Variants in PXK observed in about 807,000 individuals in gnomAD.
PXK encodes PX domain-containing protein kinase-like protein.
A neutral mutation model predicts 84.7 loss-of-function variants in PXK; 35 were observed. The ratio of observed to expected loss-of-function variants is 0.41; its 90% CI spans 0.32 to 0.55. The LOEUF (loss-of-function observed/expected upper bound fraction) is 0.55. Ranked by LOEUF, PXK falls within the 20% of genes least tolerant of loss-of-function variation. The probability of loss-of-function intolerance (pLI) is 0.21; values close to 1 mark genes in which losing one functional copy is unlikely to be tolerated. For synonymous variants in PXK, 253 were observed against 260.8 expected, an observed-to-expected ratio of 0.97 and a Z score of 0.29; for missense variants, 634 against 699.7, an observed-to-expected ratio of 0.91 and a Z score of 1.06.
intron 1 of PXK, among the ~76,000 whole-genome samples, chr3:58,337,745 T>A (rs1473838833): frequency 2.0e-5 from 3 of 152,148 alleles, no homozygotes; most frequent in Non-Finnish European, 4.4e-5. Flanking sequence ...GCTGGGATTA[T>A]AGGTGTGAGC....
Position 58,332,924 on chromosome 3 carries a change from G to T in PXK, c.-65G>T. ...GCGGCGGCGGTGGAACCGGGCGGGC[G>T]GCGGGAGTCGGCGCCTCGGGTTCCT... On this transcript the variant is annotated 5_prime_UTR_variant, in exon 1 of 18. Transcript: ENST00000356151. This position sits in a 1 kb window ranked among gnomAD's most constrained non-coding sequence, Gnocchi z 5.6. The T allele has an allele frequency of 9.4e-7, 1 of 1,068,948 alleles. No individual in the cohort carries two copies. Among genetic ancestry groups the T allele is most frequent in the East Asian group, 4.3e-5 (1 of 23,234 alleles). 66.2% of individuals were successfully genotyped at this position (1,068,948 alleles called of 1,614,324 possible). A position where few individuals can be genotyped will look rare whatever the true frequency, so the allele number is the denominator to read the frequency against.
intron 1 of PXK, among the ~76,000 whole-genome samples, chr3:58,353,293 G>T (rs778338947): frequency 6.6e-6 from 1 of 152,050 alleles, no homozygotes; most frequent in Non-Finnish European, 1.5e-5. Context: ...CACTGTGCCC[G>T]GTCTCTATGA....
chr3:58,385,148 AG>A lies in PXK; in HGVS notation c.388+2449del, dbSNP rs940675451. ...TCCCCCTCCCCACCCCCAGGCCTCC[AG>A]CATGGTAGAGAGTCAGGAGTCCAAA... On this transcript the variant is annotated intron_variant, in intron 4 of 17. Transcript: ENST00000356151. This position sits in a 1 kb window ranked among gnomAD's most constrained non-coding sequence, Gnocchi z 5.1. Among the ~76,000 whole-genome samples the A allele has an allele frequency of 1.8e-4, 28 of 152,094 alleles. No homozygotes were observed. Among genetic ancestry groups the A allele is most frequent in the African/African-American group, 6.8e-4 (28 of 41,418 alleles).
At chr3:58,355,742 T>G (rs1276527942) in intron 1 of PXK, among the ~76,000 whole-genome samples, 1 of 152,158 alleles carries the variant, frequency 6.6e-6, no homozygotes, top group African/African-American at 2.4e-5. Flanking sequence ...CTCTGCACCC[T>G]CAGGTAAGAG....
intron 1 of PXK, among the ~76,000 whole-genome samples, chr3:58,353,580 T>G (rs540809353): frequency 2.0e-5 from 3 of 152,136 alleles, no homozygotes; most frequent in South Asian, 2.1e-4. Context: ...TAATTCTAAG[T>G]GAAATATTAA....
At chr3:58,356,167 C>G (rs79451248) in intron 1 of PXK, among the ~76,000 whole-genome samples, 2,145 of 152,258 alleles carry the variant, frequency 0.014, 62 homozygotes, top group African/African-American at 0.049. Context: ...CACCAGACCT[C>G]AGTGATTTGC....
At chr3:58,393,071 G>A (rs1253701005) in intron 7 of PXK, among the ~76,000 whole-genome samples, 6 of 152,238 alleles carry the variant, frequency 3.9e-5, no homozygotes, top group East Asian at 3.9e-4. Flanking sequence ...AAAATAAGCC[G>A]AGTGTGGTGG....
chr3:58,348,497 A>G (rs991485622), intron 1 of PXK, among the ~76,000 whole-genome samples: 2 of 152,214 alleles, frequency 1.3e-5, no homozygotes, highest in African/African-American at 4.8e-5. Flanking sequence ...CACATATGTA[A>G]CTTTACATTT....
At chr3:58,394,358 A>G (rs1318237786) in intron 7 of PXK, among the ~76,000 whole-genome samples, 1 of 152,182 alleles carries the variant, frequency 6.6e-6, no homozygotes, top group Non-Finnish European at 1.5e-5. Flanking sequence ...TCTCCACCCC[A>G]GTTGCTTAAT....
At chr3:58,417,911 G>A (rs1226769022) in intron 17 of PXK, among the ~76,000 whole-genome samples, 2 of 152,048 alleles carry the variant, frequency 1.3e-5, no homozygotes, top group East Asian at 1.9e-4. Flanking sequence ...GTGCAATCAC[G>A]GCTCACTGCA....
In PXK at chr3:58,370,564, G is replaced by A. The variant is rs1261760431; in HGVS notation, c.201+1086G>A. 6.6e-6 allele frequency among the ~76,000 whole-genome samples: 1 copy of A among 152,178 alleles called. No homozygotes were observed. Among genetic ancestry groups the A allele is most frequent in the Non-Finnish European group, 1.5e-5 (1 of 68,036 alleles). ...AGCCAGGAGGGAAAGGACTGCTCCC[G>A]TCATTGGTGAGCTAGCCGTTATCGC... On this transcript the variant is annotated intron_variant, in intron 3 of 17. Transcript: ENST00000356151. The surrounding 1 kb of genome is among the most constrained non-coding windows in gnomAD (Gnocchi z 4.2).
intron 7 of PXK, 104 bp downstream of exon 7, chr3:58,391,951 C>A: frequency 9.7e-7 from 1 of 1,029,032 alleles, no homozygotes; most frequent in Non-Finnish European, 1.5e-6. Flanking sequence ...TGGGGAGATA[C>A]AGTGGATTTC....
rs2058153055 is a variant in PXK, at chr3:58,399,014, A to G, written c.1103-285A>G. ...TTACATCTCTTTCAAGAGAACAAAC[A>G]CTTTTATGAATGATATCTTGAATCC... is the stretch of plus-strand genomic sequence containing the variant. On this transcript the variant is annotated intron_variant, in intron 11 of 17. Transcript: ENST00000356151. The surrounding 1 kb of genome is among the most constrained non-coding windows in gnomAD (Gnocchi z 4.3). 6.6e-6 allele frequency among the ~76,000 whole-genome samples: 1 copy of G among 152,220 alleles called. No homozygotes were observed. Among genetic ancestry groups the G allele is most frequent in the Admixed American group, 6.5e-5 (1 of 15,288 alleles).
chr3:58,343,907 T>C (rs1372121488), intron 1 of PXK, among the ~76,000 whole-genome samples: 2 of 152,246 alleles, frequency 1.3e-5, no homozygotes, highest in African/African-American at 4.8e-5. Flanking sequence ...GATATAATTT[T>C]CCTTCCTCTG....
chr3:58,382,818 T>C (rs2098516757), intron 4 of PXK, 118 bp downstream of exon 4: 1 of 709,246 alleles, frequency 1.4e-6, no homozygotes, highest in Admixed American at 3.6e-5. Flanking sequence ...ACATTTGTTA[T>C]AGCATATTAT....
chr3:58,357,082 C>T (rs1243763071), intron 1 of PXK, among the ~76,000 whole-genome samples: 1 of 150,718 alleles, frequency 6.6e-6, no homozygotes, highest in Non-Finnish European at 1.5e-5. Flanking sequence ...AGATGGAGAC[C>T]ATTCTGGCCA....
intron 3 of PXK, among the ~76,000 whole-genome samples, chr3:58,378,610 C>A (rs554719188): frequency 6.9e-6 from 1 of 145,472 alleles, no homozygotes; most frequent in Non-Finnish European, 1.5e-5. Flanking sequence ...TCTCAGCTCA[C>A]CGCAACCTCT....
At chr3:58,396,629 C>T (rs1321088080) in intron 9 of PXK, among the ~76,000 whole-genome samples, 1 of 152,182 alleles carries the variant, frequency 6.6e-6, no homozygotes, top group Non-Finnish European at 1.5e-5. Context: ...TTTTCTAGTT[C>T]AACCCCTTTT....
chr3:58,421,755 G>A lies in PXK; in HGVS notation c.1529-2997G>A. 4.1e-6 allele frequency: 4 copies of A among 985,430 alleles called. No individual in the cohort carries two copies. Among genetic ancestry groups the A allele is most frequent in the Non-Finnish European group, 4.8e-6 (4 of 829,924 alleles). 61.0% of individuals were successfully genotyped at this position (985,430 alleles called of 1,614,324 possible). On this transcript the variant is annotated intron_variant, in intron 17 of 17. Transcript: ENST00000356151. This position sits in a 1 kb window ranked among gnomAD's most constrained non-coding sequence, Gnocchi z 5.5. Reference sequence around the variant, plus strand: ...GGTTCCCGTGTGGTTTGGTGGAGAAGATTTTGGGGTGGGTAGAGTAAGTAG... The same window carrying A: ...GGTTCCCGTGTGGTTTGGTGGAGAAAATTTTGGGGTGGGTAGAGTAAGTAG...
Sources: gnomAD v4.1 joint callset for allele counts (sites outside exome capture counted in the v4.1 genomes callset) on GRCh38, gnomAD v4.1.1 for gene constraint, Gnocchi (gnomAD v3.1) non-coding constraint, MANE v1.5 for transcripts, NCBI Gene and HGNC (gene_info 2026-07-23, HGNC 2026-07-21) for gene names.